Variants in CSDC2 observed in about 807,000 individuals in gnomAD.
CSDC2 encodes cold shock domain-containing protein C2.
A neutral mutation model predicts 15.8 loss-of-function variants in CSDC2; 8 were observed. The observed-to-expected ratio is 0.51, with a 90% CI of 0.30 to 0.92. The LOEUF (loss-of-function observed/expected upper bound fraction) is 0.92, where lower values mean the gene tolerates loss of function less well. CSDC2 is among the 40% of genes least tolerant of loss of function. The pLI is 0.07. For missense variants in CSDC2, 195 were observed against 213.3 expected (o/e 0.91, Z 0.53); for synonymous variants, 96 against 92.3 (o/e 1.04, Z -0.23).
At position 41,561,045 on chromosome 22, in the gene CSDC2, G is replaced by GACACACAGACACACACAGACAC. The variant is rs560868541; in HGVS notation, c.-255_-254insGACACACACAGACACACACACA. Reference sequence around the variant, plus strand: ...GGTACCGCCCGCGCGAGCACACACAGACACACACACACACACACACACACA... The same window carrying GACACACAGACACACACAGACAC: ...GGTACCGCCCGCGCGAGCACACACAGACACACAGACACACACAGACACACACACACACACACACACACACACA... On this transcript the variant is annotated 5_prime_UTR_variant, in exon 1 of 4. Transcript: ENST00000306149. The GACACACAGACACACACAGACAC allele has an allele frequency of 7.6e-6, 1 of 132,060 alleles. No homozygotes were observed. The highest frequency in any genetic ancestry group is 2.8e-5 in the African/African-American group (1 of 35,206). The allele number at this position is 132,060 out of a possible 1,614,324, so 8.2% of individuals were successfully genotyped here. A position where few individuals can be genotyped will look rare whatever the true frequency, so the allele number is the denominator to read the frequency against.
chr22:41,565,270 T>A (rs1378424686), intron 1 of CSDC2, among the ~76,000 whole-genome samples: 1 of 151,222 alleles, frequency 6.6e-6, no homozygotes, highest in Non-Finnish European at 1.5e-5. Context: ...GCCAACATGG[T>A]GAAACCCCAT....
At chr22:41,561,670 ACT>A (rs1455566465) in intron 1 of CSDC2, among the ~76,000 whole-genome samples, 3 of 151,780 alleles carry the variant, frequency 2.0e-5, no homozygotes, top group Non-Finnish European at 4.4e-5. Flanking sequence ...TCTTATCCTG[ACT>A]CTATTTTTTC....
Position 41,575,073 on chromosome 22 carries a change from A to C in CSDC2, c.*178A>C, listed in dbSNP as rs1475056429. On this transcript the variant is annotated 3_prime_UTR_variant, in exon 4 of 4. Coordinates refer to ENST00000306149, the MANE Select transcript of CSDC2 (RefSeq NM_014460.4). ...AGCGTGTGCCTCCACCCACCCCACGACCCGTGACTACTGTGCAAGCTGGCC... is the reference window on the plus strand; with the variant it reads ...AGCGTGTGCCTCCACCCACCCCACGCCCCGTGACTACTGTGCAAGCTGGCC... 4 of 760,302 alleles carry C rather than the reference A, an allele frequency of 5.3e-6. No individual in the cohort carries two copies. The highest frequency in any genetic ancestry group is 6.2e-6 in the Non-Finnish European group (3 of 482,418). The allele number at this position is 760,302 out of a possible 1,614,324, so 47.1% of individuals were successfully genotyped here. A position where few individuals can be genotyped will look rare whatever the true frequency, so the allele number is the denominator to read the frequency against.
At chr22:41,573,613 G>C (rs762362985) in intron 2 of CSDC2, 42 bp from the exon 3 acceptor site, 1 of 1,580,768 alleles carries the variant, frequency 6.3e-7, no homozygotes, top group Admixed American at 1.8e-5. Flanking sequence ...CCGGGGAGGA[G>C]TTCCTCAGGC....
intron 1 of CSDC2, among the ~76,000 whole-genome samples, chr22:41,567,513 G>A (rs1224202166): frequency 6.6e-6 from 1 of 152,256 alleles, no homozygotes; most frequent in African/African-American, 2.4e-5. Context: ...GCTCTGGAGA[G>A]GGGGTCTGAA....
At position 41,566,088 on chromosome 22, in the gene CSDC2, T is replaced by A. The variant is rs528103666; in HGVS notation, c.-124+4905T>A. Among the ~76,000 whole-genome samples, 9 of 145,612 alleles carry A rather than the reference T, an allele frequency of 6.2e-5. No individual in the cohort carries two copies. The South Asian group carries it at 2.0e-3, about 32-fold the overall frequency. ...GGGAGGCCAAGGCGGGTGGATCACC[T>A]GCAGTCAGGAGTTCGAGACCAGCCT... On this transcript the variant is annotated intron_variant, in intron 1 of 3. Coordinates refer to ENST00000306149, the MANE Select transcript of CSDC2 (RefSeq NM_014460.4).
Position 41,570,588 on chromosome 22 carries a change from G to A in CSDC2, c.-123-1255G>A, listed in dbSNP as rs555117850. On this transcript the variant is annotated intron_variant, in intron 1 of 3. Transcript: ENST00000306149. ...TGTAACCCCAGCATTTTGGGAGGCC[G>A]AGGGAGGTAGATCAACTGAGGTCAG... 1.9e-3 allele frequency among the ~76,000 whole-genome samples: 293 copies of A among 152,174 alleles called. 3 individuals are homozygous for A. The highest frequency in any genetic ancestry group is 2.4e-3 in the Non-Finnish European group (162 of 68,008).
At chr22:41,573,047 T>A (rs2067156260) in intron 2 of CSDC2, among the ~76,000 whole-genome samples, 1 of 152,114 alleles carries the variant, frequency 6.6e-6, no homozygotes, top group South Asian at 2.1e-4. Flanking sequence ...AGCTCATTTT[T>A]TTAAAAAAAT....
intron 1 of CSDC2, among the ~76,000 whole-genome samples, chr22:41,568,353 C>T (rs7290990): frequency 1.3e-5 from 2 of 151,550 alleles, no homozygotes; most frequent in Non-Finnish European, 2.9e-5. Flanking sequence ...GCGTGATCTC[C>T]GCTCTCTGCA....
chr22:41,574,660 C>T, intron 3 of CSDC2, 73 bp from the exon 4 acceptor site: 2 of 1,552,246 alleles, frequency 1.3e-6, no homozygotes, highest in South Asian at 1.2e-5. Context: ...AGGCTGCCCC[C>T]AAGGCCAGGC....
Position 41,571,948 on chromosome 22 carries a change from T to C in CSDC2, c.-18T>C. 7.6e-7 allele frequency: 1 copy of C among 1,317,560 alleles called. No homozygotes were observed. The allele number at this position is 1,317,560 out of a possible 1,614,324, so 81.6% of individuals were successfully genotyped here. A position where few individuals can be genotyped will look rare whatever the true frequency, so the allele number is the denominator to read the frequency against. On this transcript the variant is annotated 5_prime_UTR_variant, in exon 2 of 4. Coordinates refer to ENST00000306149, the MANE Select transcript of CSDC2 (RefSeq NM_014460.4). ...CCCTGGGCCCCAGAGCCCACCAGGC[T>C]CTCCTGCTGGCCCCACCATGACTTC... is the stretch of plus-strand genomic sequence containing the variant.
intron 1 of CSDC2, among the ~76,000 whole-genome samples, chr22:41,561,934 A>G (rs1265482119): frequency 6.6e-6 from 1 of 152,138 alleles, no homozygotes; most frequent in Non-Finnish European, 1.5e-5. Context: ...GAATGGCCTG[A>G]CCCTGGCACA....
At chr22:41,563,031 C>T (rs913499169) in intron 1 of CSDC2, among the ~76,000 whole-genome samples, 1 of 152,252 alleles carries the variant, frequency 6.6e-6, no homozygotes, top group African/African-American at 2.4e-5. Flanking sequence ...GTCCTGGTTT[C>T]CCCACCACCA....
chr22:41,567,080 G>A (rs190357036), intron 1 of CSDC2, among the ~76,000 whole-genome samples: 3 of 152,294 alleles, frequency 2.0e-5, no homozygotes, highest in East Asian at 1.9e-4. Context: ...AAGGACACAC[G>A]AAATCCCCCT....
chr22:41,561,741 T>C (rs1252341592), intron 1 of CSDC2, among the ~76,000 whole-genome samples: 1 of 152,180 alleles, frequency 6.6e-6, no homozygotes, highest in African/African-American at 2.4e-5. Flanking sequence ...CGTGTGGTTA[T>C]TCTCTTCCCC....
At chr22:41,563,173 G>A (rs1036255350) in intron 1 of CSDC2, among the ~76,000 whole-genome samples, 1 of 152,164 alleles carries the variant, frequency 6.6e-6, no homozygotes, top group Non-Finnish European at 1.5e-5. Flanking sequence ...CTCATGCACA[G>A]ACGCAGGCAC....
At chr22:41,569,777 CTTTT>C (rs372029264) in intron 1 of CSDC2, among the ~76,000 whole-genome samples, 3 of 107,942 alleles carry the variant, frequency 2.8e-5, no homozygotes, top group Admixed American at 1.1e-4. Flanking sequence ...TGTGTGGTTG[CTTTT>C]TTTTTTTTTT....
chr22:41,565,415 A>G (rs1051437508), intron 1 of CSDC2, among the ~76,000 whole-genome samples: 1 of 145,232 alleles, frequency 6.9e-6, no homozygotes, highest in African/African-American at 2.6e-5. Context: ...ATGCCACTGC[A>G]CTCCAGCCTG....
chr22:41,564,849 C>G (rs1416067899), intron 1 of CSDC2, among the ~76,000 whole-genome samples: 1 of 152,122 alleles, frequency 6.6e-6, no homozygotes, highest in Non-Finnish European at 1.5e-5. Flanking sequence ...CTAATCCGCT[C>G]AGACTGAGAG....
Sources: gnomAD v4.1 joint callset for allele counts (sites outside exome capture counted in the v4.1 genomes callset) on GRCh38, gnomAD v4.1.1 for gene constraint, MANE v1.5 for transcripts, NCBI Gene and HGNC (gene_info 2026-07-23, HGNC 2026-07-21) for gene names.